NFIB: variants seen among roughly 807,000 people sequenced by gnomAD.
The protein encoded by NFIB is nuclear factor I B, also known as nuclear factor 1 B-type.
A neutral mutation model predicts 61.5 loss-of-function variants in NFIB; 11 were observed. That is an observed-to-expected ratio of 0.18 (90% CI 0.11 to 0.30). The LOEUF is 0.30. NFIB is among the 10% of genes least tolerant of loss of function. NFIB has a pLI of 1.00. For missense variants in NFIB, 471 were observed against 608.9 expected, an observed-to-expected ratio of 0.77 and a Z score of 2.38; for synonymous variants, 260 against 216.5, an observed-to-expected ratio of 1.20 and a Z score of -1.76.
the NFIB span, among the ~76,000 whole-genome samples, chr9:14,483,613 T>C: frequency 1.3e-5 from 2 of 152,280 alleles, no homozygotes; most frequent in Non-Finnish European, 2.9e-5. Flanking sequence ...TTGACGAGAG[T>C]ACCTGCCTGC....
the NFIB span, among the ~76,000 whole-genome samples, chr9:14,483,369 T>C: frequency 6.6e-6 from 1 of 152,182 alleles, no homozygotes; most frequent in Admixed American, 6.5e-5. Context: ...GAAAAGCATA[T>C]CTTTGCATAC....
At chr9:14,468,124 A>C in the NFIB span, among the ~76,000 whole-genome samples, 4 of 152,228 alleles carry the variant, frequency 2.6e-5, no homozygotes, top group Non-Finnish European at 5.9e-5. Context: ...CAAATGTAGA[A>C]AACCAACCGA....
intron 6 of NFIB, among the ~76,000 whole-genome samples, chr9:14,143,241 TTTCA>T (rs1353461303): frequency 2.0e-5 from 3 of 152,146 alleles, no homozygotes; most frequent in African/African-American, 7.2e-5. Flanking sequence ...AAAAATACTT[TTTCA>T]TTAAGTTACT....
the NFIB span, among the ~76,000 whole-genome samples, chr9:14,446,343 C>A: frequency 6.6e-6 from 1 of 152,130 alleles, no homozygotes; most frequent in African/African-American, 2.4e-5. Context: ...GCTTAATTCC[C>A]CTTGTCTTAT....
rs1254681611 is a variant in NFIB, at chr9:14,313,079, C to G, written c.30+403G>C. On this transcript the variant is annotated intron_variant, in intron 1 of 10. Coordinates refer to ENST00000380953, the MANE Select transcript of NFIB (RefSeq NM_001190737.2). The surrounding 1 kb of genome is among the most constrained non-coding windows in gnomAD (Gnocchi z 4.5). The stretch of plus-strand genomic sequence containing the variant: ...CACTGGCTGTTTTTAAAAGCTTAGT[C>G]CCCCGTAAAGTCCTCCAAAGCCCGA... 6.6e-6 allele frequency among the ~76,000 whole-genome samples: 1 copy of G among 152,202 alleles called. No individual in the cohort carries two copies. Among genetic ancestry groups the G allele is most frequent in the Non-Finnish European group, 1.5e-5 (1 of 68,036 alleles).
intron 3 of NFIB, among the ~76,000 whole-genome samples, chr9:14,172,868 C>G (rs1192780990): frequency 6.6e-6 from 1 of 151,974 alleles, no homozygotes; most frequent in African/African-American, 2.4e-5. Flanking sequence ...CTCCCAGGTT[C>G]AAGCGATTCT....
intron 1 of NFIB, among the ~76,000 whole-genome samples, chr9:14,346,132 G>GGGGCGCGT (rs1564021884): frequency 2.0e-4 from 30 of 151,798 alleles, no homozygotes; most frequent in African/African-American, 6.5e-4. Flanking sequence ...CGCGGGCGCG[G>GGGGCGCGT]GGGGCGCGTG....
At chr9:14,219,601 G>A (rs769615947) in intron 2 of NFIB, among the ~76,000 whole-genome samples, 2 of 152,022 alleles carry the variant, frequency 1.3e-5, no homozygotes, top group Non-Finnish European at 2.9e-5. Context: ...TGCTTTACAC[G>A]TATTTTATGG....
rs1414340143 is a variant in NFIB, at chr9:14,313,643, C to A, written c.-132G>T. The A allele has an allele frequency of 5.8e-6, 9 of 1,547,690 alleles. No homozygotes were observed. The African/African-American group carries it at 1.2e-4, about 21-fold the overall frequency. ...ATCAGGACGGGGCTCTGCGCTGGAT[C>A]ACCGCAACTTCACAACAAACCCAGT... On this transcript the variant is annotated 5_prime_UTR_variant, in exon 1 of 11. Transcript: ENST00000380953. The surrounding 1 kb of genome is among the most constrained non-coding windows in gnomAD (Gnocchi z 4.5).
intron 2 of NFIB, among the ~76,000 whole-genome samples, chr9:14,212,804 C>A (rs1437981442): frequency 6.6e-6 from 1 of 152,190 alleles, no homozygotes; most frequent in Admixed American, 6.5e-5. Flanking sequence ...ACATAAGCCA[C>A]CTTACGCTAA....
upstream of NFIB, among the ~76,000 whole-genome samples, chr9:14,402,772 G>A (rs755944580): frequency 2.0e-5 from 3 of 152,114 alleles, no homozygotes; most frequent in East Asian, 1.9e-4. Flanking sequence ...ACACTGTCAC[G>A]TGGCAGATGG....
intron 2 of NFIB, among the ~76,000 whole-genome samples, chr9:14,275,922 A>C (rs923712401): frequency 6.6e-6 from 1 of 152,068 alleles, no homozygotes; most frequent in African/African-American, 2.4e-5. Flanking sequence ...CAGTATACCA[A>C]AAACTCTGAA....
chr9:14,102,581 A>C, intron 10 of NFIB: 1 of 1,230,862 alleles, frequency 8.1e-7, no homozygotes, highest in Non-Finnish European at 1.2e-6. Flanking sequence ...AAATGAACAC[A>C]TGCAAACTAG....
At chr9:14,185,765 G>A (rs1266393539) in intron 2 of NFIB, among the ~76,000 whole-genome samples, 1 of 152,176 alleles carries the variant, frequency 6.6e-6, no homozygotes, top group East Asian at 1.9e-4. Context: ...GCAAGCCAGG[G>A]AAACAGACAC....
intron 2 of NFIB, among the ~76,000 whole-genome samples, chr9:14,294,483 G>C (rs561291543): frequency 8.5e-5 from 13 of 152,266 alleles, no homozygotes; most frequent in Non-Finnish European, 1.9e-4. Flanking sequence ...AGCAATCCCA[G>C]TTTACATATG....
At chr9:14,480,693 G>T in the NFIB span, among the ~76,000 whole-genome samples, 1 of 152,110 alleles carries the variant, frequency 6.6e-6, no homozygotes, top group African/African-American at 2.4e-5. Context: ...AAAGCAAAAG[G>T]AGGTAAATGA....
chr9:14,529,609 A>G, the NFIB span, among the ~76,000 whole-genome samples: 4 of 152,318 alleles, frequency 2.6e-5, no homozygotes, highest in Non-Finnish European at 5.9e-5. Context: ...TACTAAAGAT[A>G]AGCAATCATT....
intron 3 of NFIB, among the ~76,000 whole-genome samples, chr9:14,179,509 C>T (rs1200222801): frequency 1.3e-5 from 2 of 152,106 alleles, no homozygotes; most frequent in African/African-American, 4.8e-5. Context: ...GAAACACCAA[C>T]AAAAATTAAA....
chr9:14,247,347 T>A (rs13286037), intron 2 of NFIB, among the ~76,000 whole-genome samples: 3,474 of 152,304 alleles, frequency 0.023, 55 homozygotes, highest in Middle Eastern at 0.044. Context: ...CAGATCCAGC[T>A]AATGGTTGGA....
Sources: gnomAD v4.1 joint callset for allele counts (sites outside exome capture counted in the v4.1 genomes callset) on GRCh38, gnomAD v4.1.1 for gene constraint, Gnocchi (gnomAD v3.1) non-coding constraint, MANE v1.5 for transcripts, NCBI Gene and HGNC (gene_info 2026-07-23, HGNC 2026-07-21) for gene names.